RAD51B: variants seen among roughly 807,000 people sequenced by gnomAD.
The protein encoded by RAD51B is RAD51 paralog B.
In RAD51B, 38 loss-of-function variants were observed where a neutral mutation model predicts 42.2. The observed-to-expected ratio is 0.90, with a 90% CI of 0.70 to 1.18. The LOEUF (loss-of-function observed/expected upper bound fraction) is 1.18, where lower values mean the gene tolerates loss of function less well. RAD51B is among the 50% of genes most tolerant of loss of function. The pLI, the probability that RAD51B is intolerant of heterozygous loss-of-function variation, is 0.00. For synonymous variants in RAD51B, 154 were observed against 145.2 expected, an observed-to-expected ratio of 1.06 and a Z score of -0.43; for missense variants, 373 against 400.7, an observed-to-expected ratio of 0.93 and a Z score of 0.59.
At chr14:68,064,884 T>G (rs2076625060) in intron 7 of RAD51B, among the ~76,000 whole-genome samples, 7 of 152,208 alleles carry the variant, frequency 4.6e-5, no homozygotes, top group Non-Finnish European at 1.0e-4. Flanking sequence ...TTCTTCTATT[T>G]TATCGAATTG....
At chr14:68,263,286 G>T (rs1452401028) in intron 7 of RAD51B, among the ~76,000 whole-genome samples, 1 of 152,194 alleles carries the variant, frequency 6.6e-6, no homozygotes, top group Admixed American at 6.5e-5. Flanking sequence ...TCAAGACTCT[G>T]TTACATATGA....
At chr14:68,219,789 C>T (rs1421979311) in intron 7 of RAD51B, among the ~76,000 whole-genome samples, 1 of 152,054 alleles carries the variant, frequency 6.6e-6, no homozygotes, top group Non-Finnish European at 1.5e-5. Context: ...TTTAACACCC[C>T]CAAAAGATCA....
chr14:68,036,093 G>A (rs1243675865), intron 7 of RAD51B, among the ~76,000 whole-genome samples: 1 of 152,136 alleles, frequency 6.6e-6, no homozygotes, highest in African/African-American at 2.4e-5. Flanking sequence ...TCCAGAAATC[G>A]CTAAAATCTC....
chr14:68,604,678 G>A (rs1018053679), intron 10 of RAD51B, among the ~76,000 whole-genome samples: 8 of 152,168 alleles, frequency 5.3e-5, no homozygotes, highest in Admixed American at 1.3e-4. Context: ...CTAAGTCATC[G>A]AAGGTCAAGG....
intron 7 of RAD51B, among the ~76,000 whole-genome samples, chr14:68,241,425 C>T (rs999445635): frequency 2.6e-5 from 4 of 152,082 alleles, no homozygotes; most frequent in Non-Finnish European, 5.9e-5. Flanking sequence ...GCCTGTGGTC[C>T]CAGCTACTCG....
intron 9 of RAD51B, among the ~76,000 whole-genome samples, chr14:68,431,230 T>C (rs2140135336): frequency 6.6e-6 from 1 of 152,328 alleles, no homozygotes; most frequent in South Asian, 2.1e-4. Context: ...GTTGTGTCTC[T>C]GCCAGGCTTT....
chr14:68,346,960 C>G lies in RAD51B; in HGVS notation c.853+54980C>G, dbSNP rs186029282. On this transcript the variant is annotated intron_variant, in intron 8 of 10. Coordinates refer to ENST00000471583, the MANE Select transcript of RAD51B (RefSeq NM_133510.4). ...TCCCCTCTTGCCTTCCCTCTACCCC[C>G]CAAGGCTGGCTCAGCTTTTAAGACT... Among the ~76,000 whole-genome samples, 158 of 152,298 alleles carry G rather than the reference C, an allele frequency of 1.0e-3. 5 individuals carry two copies. The East Asian group carries it at 0.02, about 19-fold the overall frequency.
At chr14:68,675,221 C>G (rs1893279551) in intron 11 of RAD51B, among the ~76,000 whole-genome samples, 1 of 152,148 alleles carries the variant, frequency 6.6e-6, no homozygotes. Context: ...GTGTCAGTAA[C>G]AAACACAGGG....
intron 7 of RAD51B, among the ~76,000 whole-genome samples, chr14:67,932,659 C>T (rs887391016): frequency 2.0e-5 from 3 of 152,072 alleles, no homozygotes; most frequent in African/African-American, 4.8e-5. Context: ...GGAGAAGACC[C>T]TCTGGGTCCC....
intron 8 of RAD51B, among the ~76,000 whole-genome samples, chr14:68,383,397 A>G (rs1343570610): frequency 9.9e-5 from 15 of 152,138 alleles, no homozygotes; most frequent in Non-Finnish European, 1.5e-5. Context: ...AATAAACAGG[A>G]TGGTCCCTCC....
At chr14:67,892,040 A>T (rs919474060) in intron 7 of RAD51B, among the ~76,000 whole-genome samples, 1 of 152,170 alleles carries the variant, frequency 6.6e-6, no homozygotes, top group East Asian at 1.9e-4. Context: ...TTGTTGTATC[A>T]CTTTTCTAGA....
intron 7 of RAD51B, among the ~76,000 whole-genome samples, chr14:68,041,967 A>G (rs1045377590): frequency 6.6e-6 from 1 of 152,188 alleles, no homozygotes; most frequent in African/African-American, 2.4e-5. Context: ...ATCTTCTGGA[A>G]ACAGTCAAAG....
intron 7 of RAD51B, among the ~76,000 whole-genome samples, chr14:68,170,753 AT>A (rs2078855883): frequency 6.6e-6 from 1 of 152,234 alleles, no homozygotes; most frequent in Non-Finnish European, 1.5e-5. Context: ...TGTAATATGA[AT>A]TCTATAACCA....
chr14:68,046,784 GACTA>G lies in RAD51B; in HGVS notation c.756+159585_756+159588del, dbSNP rs148494562. ...TGCTGTGGTTTTCTGTATAAAATGG[GACTA>G]ACTATTGACACTTCTTTATAAATCA... is the stretch of plus-strand genomic sequence containing the variant. On this transcript the variant is annotated intron_variant, in intron 7 of 10. Transcript: ENST00000471583. 9.3e-3 allele frequency among the ~76,000 whole-genome samples: 1,416 copies of G among 152,134 alleles called. 46 individuals are homozygous for G. Among genetic ancestry groups the G allele is most frequent in the East Asian group, 0.076 (393 of 5,178 alleles).
At chr14:68,000,657 C>T (rs571018267) in intron 7 of RAD51B, among the ~76,000 whole-genome samples, 3 of 151,984 alleles carry the variant, frequency 2.0e-5, no homozygotes, top group Admixed American at 2.0e-4. Flanking sequence ...TTTATCTGAC[C>T]TTTAGGTCTG....
chr14:68,324,497 G>A (rs2082213326), intron 8 of RAD51B, among the ~76,000 whole-genome samples: 1 of 152,190 alleles, frequency 6.6e-6, no homozygotes, highest in Non-Finnish European at 1.5e-5. Context: ...CAAGAACCAG[G>A]ACTGGCCGGG....
chr14:68,570,915 G>GCA (rs750119992), intron 10 of RAD51B, among the ~76,000 whole-genome samples: 73 of 148,058 alleles, frequency 4.9e-4, no homozygotes, highest in Non-Finnish European at 9.3e-4. Flanking sequence ...ACACACACAT[G>GCA]CACACACACA....
chr14:67,979,467 T>C (rs111768308), intron 7 of RAD51B, among the ~76,000 whole-genome samples: 26 of 152,306 alleles, frequency 1.7e-4, no homozygotes, highest in African/African-American at 5.8e-4. Flanking sequence ...TCCCTGATTT[T>C]CCTAATATTA....
At chr14:68,254,792 G>A (rs925322213) in intron 7 of RAD51B, among the ~76,000 whole-genome samples, 5 of 152,178 alleles carry the variant, frequency 3.3e-5, no homozygotes, top group African/African-American at 1.2e-4. Flanking sequence ...AATCACCAAA[G>A]GGATCCATGA....
Sources: allele counts gnomAD v4.1 joint callset (sites outside exome capture counted in the v4.1 genomes callset), GRCh38; gene constraint gnomAD v4.1.1; transcripts MANE v1.5; gene names NCBI Gene and HGNC (gene_info 2026-07-23, HGNC 2026-07-21).